The following PABPC4L variants were observed in gnomAD, a reference collection of about 807,000 sequenced individuals.
The protein encoded by PABPC4L is poly(A) binding protein cytoplasmic 4 like, also known as polyadenylate-binding protein 4-like.
For missense variants in PABPC4L, 452 were observed against 451.4 expected (o/e 1.00, Z -0.01); for synonymous variants, 169 against 164.1 (o/e 1.03, Z -0.23).
the PABPC4L span, among the ~76,000 whole-genome samples, chr4:134,110,857 A>T: frequency 2.0e-5 from 3 of 151,998 alleles, no homozygotes; most frequent in Admixed American, 6.6e-5. Context: ...CAGTTCGAAT[A>T]CAATTTTATT....
the PABPC4L span, among the ~76,000 whole-genome samples, chr4:134,038,923 G>A: frequency 1.6e-4 from 24 of 152,064 alleles, no homozygotes; most frequent in Non-Finnish European, 2.8e-4. Flanking sequence ...CTAGAATGTC[G>A]ATTTTAGATC....
the PABPC4L span, among the ~76,000 whole-genome samples, chr4:134,075,340 A>G: frequency 4.0e-4 from 61 of 152,312 alleles, no homozygotes; most frequent in African/African-American, 1.1e-3. Context: ...TGTTTCATCC[A>G]TCTCTTGAAC....
At chr4:134,092,778 C>T in the PABPC4L span, among the ~76,000 whole-genome samples, 2 of 152,130 alleles carry the variant, frequency 1.3e-5, no homozygotes, top group Admixed American at 1.3e-4. Flanking sequence ...GCAAAACAAG[C>T]CATCCCTCCC....
At chr4:133,960,610 G>A in the PABPC4L span, among the ~76,000 whole-genome samples, 33 of 152,158 alleles carry the variant, frequency 2.2e-4, no homozygotes, top group African/African-American at 5.3e-4. Context: ...TGCAGACTCC[G>A]CAGGCAGGGG....
intron 1 of PABPC4L, among the ~76,000 whole-genome samples, 170 bp from the exon 2 acceptor site, chr4:134,201,415 C>A (rs1729879625): frequency 6.6e-6 from 1 of 152,158 alleles, no homozygotes; most frequent in African/African-American, 2.4e-5. Context: ...AAAGTTACAG[C>A]CGCTCAGGGA....
chr4:134,003,912 T>A, the PABPC4L span, among the ~76,000 whole-genome samples: 1 of 151,800 alleles, frequency 6.6e-6, no homozygotes, highest in South Asian at 2.1e-4. Context: ...TAGGTATGAT[T>A]AAGAATAAAG....
At chr4:134,136,936 G>A in the PABPC4L span, among the ~76,000 whole-genome samples, 9 of 152,078 alleles carry the variant, frequency 5.9e-5, no homozygotes, top group Non-Finnish European at 1.3e-4. Context: ...CCCTTAGAAC[G>A]GATGATGAGA....
chr4:134,201,384 A>G, intron 1 of PABPC4L, 139 bp from the exon 2 acceptor site: 1 of 1,010,878 alleles, frequency 9.9e-7, no homozygotes, highest in Middle Eastern at 4.2e-4. Context: ...GAATAAAAAT[A>G]GGCCTCGCTC....
At chr4:133,997,307 C>T in the PABPC4L span, among the ~76,000 whole-genome samples, 6 of 152,030 alleles carry the variant, frequency 3.9e-5, no homozygotes, top group African/African-American at 1.4e-4. Flanking sequence ...CCCCTTGTGA[C>T]AAACAGCCAT....
the PABPC4L span, among the ~76,000 whole-genome samples, chr4:134,178,910 A>C: frequency 6.6e-6 from 1 of 152,268 alleles, no homozygotes; most frequent in South Asian, 2.1e-4. Flanking sequence ...AAAAACACCA[A>C]ATTTATGACT....
the PABPC4L span, among the ~76,000 whole-genome samples, chr4:134,164,002 G>A: frequency 1.1e-4 from 16 of 152,060 alleles, no homozygotes; most frequent in African/African-American, 3.1e-4. Context: ...GGTGGCTCAC[G>A]CCTGTAATCC....
chr4:134,075,719 AT>A, the PABPC4L span, among the ~76,000 whole-genome samples: 1 of 151,872 alleles, frequency 6.6e-6, no homozygotes, highest in Non-Finnish European at 1.5e-5. Context: ...TTATTATTAT[AT>A]TTTTTCTTTC....
At chr4:134,171,191 C>G in the PABPC4L span, among the ~76,000 whole-genome samples, 2 of 152,134 alleles carry the variant, frequency 1.3e-5, no homozygotes, top group Non-Finnish European at 2.9e-5. Flanking sequence ...TCTCAGCTCA[C>G]TGCAACCTCC....
chr4:134,144,595 AC>A, the PABPC4L span, among the ~76,000 whole-genome samples: 795 of 146,398 alleles, frequency 5.4e-3, 7 homozygotes, highest in African/African-American at 0.019. Flanking sequence ...AAAAAAAAAA[AC>A]AGTTCAGTCT....
At chr4:134,110,725 C>T in the PABPC4L span, among the ~76,000 whole-genome samples, 1 of 151,758 alleles carries the variant, frequency 6.6e-6, no homozygotes, top group African/African-American at 2.4e-5. Context: ...GCTCAACCTC[C>T]TGTATATGTT....
At chr4:133,953,133 T>A in the PABPC4L span, among the ~76,000 whole-genome samples, 1,059 of 152,284 alleles carry the variant, frequency 7.0e-3, 8 homozygotes, top group Middle Eastern at 0.01. Flanking sequence ...CACATTCTCT[T>A]CCTTTTTCCA....
the PABPC4L span, among the ~76,000 whole-genome samples, chr4:134,029,810 C>G: frequency 1.4e-4 from 21 of 151,374 alleles, no homozygotes; most frequent in African/African-American, 4.9e-4. Context: ...TGGCTGTGTT[C>G]CCACTCAAAT....
the PABPC4L span, among the ~76,000 whole-genome samples, chr4:134,074,691 T>G: frequency 2.6e-5 from 4 of 152,156 alleles, no homozygotes; most frequent in Non-Finnish European, 4.4e-5. Flanking sequence ...CTGCAGGGCT[T>G]GTGAGGCCCC....
chr4:134,109,226 T>A, the PABPC4L span, among the ~76,000 whole-genome samples: 1 of 152,012 alleles, frequency 6.6e-6, no homozygotes, highest in Non-Finnish European at 1.5e-5. Context: ...CTTGTGTATA[T>A]GCAGAATGTA....
Sources: allele counts gnomAD v4.1 joint callset (sites outside exome capture counted in the v4.1 genomes callset), GRCh38; gene constraint gnomAD v4.1.1; transcripts MANE v1.5; gene names NCBI Gene and HGNC (gene_info 2026-07-23, HGNC 2026-07-21).